GAB3: variants seen among roughly 807,000 people sequenced by gnomAD.
GAB3 encodes the protein GRB2 associated binding protein 3, also known as GRB2-associated-binding protein 3.
GAB3 carries 12 observed loss-of-function variants against 40.4 expected under a neutral mutation model. That is an observed-to-expected ratio of 0.30 (90% CI 0.19 to 0.48). The LOEUF (loss-of-function observed/expected upper bound fraction) is 0.48, where lower values mean the gene tolerates loss of function less well. Ranked by LOEUF, GAB3 falls within the 20% of genes least tolerant of loss-of-function variation. The pLI is 0.99. For synonymous variants in GAB3, 154 were observed against 176.7 expected (o/e 0.87, Z 1.02); for missense variants, 381 against 461.9 (o/e 0.82, Z 1.61).
chrX:154,722,013 A>C (rs782086189), intron 1 of GAB3, among the ~76,000 whole-genome samples: 2 of 112,213 alleles, frequency 1.8e-5, no homozygotes, highest in Non-Finnish European at 3.8e-5. Context: ...AATGGCCAAG[A>C]TATGGAAACA....
intron 8 of GAB3, among the ~76,000 whole-genome samples, chrX:154,682,193 T>C (rs782598048): frequency 2.7e-5 from 3 of 112,495 alleles, no homozygotes; most frequent in African/African-American, 9.7e-5. Context: ...GTATATTGAT[T>C]TTATATCCAT....
chrX:154,708,067 C>T (rs782062745), intron 4 of GAB3, among the ~76,000 whole-genome samples: 1 of 111,450 alleles, frequency 9.0e-6, no homozygotes, highest in Admixed American at 9.5e-5. Flanking sequence ...AGAAATACAC[C>T]CACATGTACA....
Position 154,728,840 on chromosome X carries a change from G to A in GAB3, c.73-12511C>T, listed in dbSNP as rs781824872. ...AATACGTACTCAATGTGTTGTTGTG[G>A]ACAGCATGACTGACTAAAGTATGGC... On this transcript the variant is annotated intron_variant, in intron 1 of 9. Coordinates refer to ENST00000424127, the MANE Select transcript of GAB3 (RefSeq NM_001081573.3). Among the ~76,000 whole-genome samples, 8 of 112,396 alleles carry A rather than the reference G, an allele frequency of 7.1e-5. No homozygotes were observed. The South Asian group carries it at 2.6e-3, about 36-fold the overall frequency.
intron 9 of GAB3, 150 bp from the exon 10 acceptor site, chrX:154,678,444 G>T (rs1277990760): frequency 1.6e-5 from 7 of 424,477 alleles, no homozygotes; most frequent in Non-Finnish European, 2.8e-5. Flanking sequence ...GTGTGTGCAC[G>T]CACGTGCTTC....
intron 4 of GAB3, among the ~76,000 whole-genome samples, chrX:154,709,402 A>C (rs1036853670): frequency 5.7e-5 from 6 of 106,179 alleles, no homozygotes; most frequent in South Asian, 4.3e-4. Flanking sequence ...CTCACTGCAA[A>C]CTCTGCCTCC....
intron 1 of GAB3, among the ~76,000 whole-genome samples, chrX:154,719,082 T>C (rs782153915): frequency 9.0e-6 from 1 of 111,569 alleles, no homozygotes; most frequent in Non-Finnish European, 1.9e-5. Flanking sequence ...AGAATTATGA[T>C]ATGGGTAGAT....
intron 1 of GAB3, among the ~76,000 whole-genome samples, chrX:154,749,362 A>G (rs1414894777): frequency 8.9e-6 from 1 of 112,989 alleles, no homozygotes; most frequent in Non-Finnish European, 1.9e-5. Context: ...CTGAAATTGT[A>G]TAGTGAACCT....
chrX:154,717,918 C>CTA (rs1421741532), intron 1 of GAB3, among the ~76,000 whole-genome samples: 2 of 111,701 alleles, frequency 1.8e-5, no homozygotes, highest in African/African-American at 6.5e-5. Context: ...CGGTAGGGAA[C>CTA]TATGGCATTA....
At chrX:154,708,656 C>A (rs184833322) in intron 4 of GAB3, among the ~76,000 whole-genome samples, 1 of 111,868 alleles carries the variant, frequency 8.9e-6, no homozygotes, top group African/African-American at 3.3e-5. Flanking sequence ...CAGAACCACA[C>A]AAGGTATCGG....
In GAB3 at chrX:154,724,217, C is replaced by T. The variant is rs1037967200; in HGVS notation, c.73-7888G>A. On this transcript the variant is annotated intron_variant, in intron 1 of 9. Transcript: ENST00000424127. ...CAAAAATTAGCCAGGTGTGATGGCACGCACCTGTAATCCCAACTACTCAGG... is the reference window on the plus strand; with the variant it reads ...CAAAAATTAGCCAGGTGTGATGGCATGCACCTGTAATCCCAACTACTCAGG... Among the ~76,000 whole-genome samples the T allele has an allele frequency of 4.6e-5, 5 of 109,763 alleles. No homozygotes were observed. In the South Asian group the frequency reaches 1.2e-3, roughly 26 times the overall value.
intron 8 of GAB3, among the ~76,000 whole-genome samples, chrX:154,694,391 G>GT (rs781950607): frequency 0.017 from 1,668 of 99,997 alleles, 12 homozygotes; most frequent in Middle Eastern, 0.03. Context: ...ATCTTTCTCT[G>GT]TTTTTTTTTT....
intron 2 of GAB3, among the ~76,000 whole-genome samples, chrX:154,713,872 T>C (rs1030597797): frequency 6.9e-5 from 7 of 101,839 alleles, no homozygotes; most frequent in African/African-American, 2.5e-4. Context: ...TAGGTATATG[T>C]CTATATAGAA....
chrX:154,723,025 T>C (rs2071159233), intron 1 of GAB3, among the ~76,000 whole-genome samples: 2 of 111,016 alleles, frequency 1.8e-5, no homozygotes, highest in Admixed American at 1.9e-4. Flanking sequence ...ATTACAGGCA[T>C]GCACCACCAT....
In GAB3 at chrX:154,676,943, G is replaced by A. The variant is rs782397138; in HGVS notation, c.*1235C>T. 1.8e-4 allele frequency: 20 copies of A among 111,668 alleles called. No individual in the cohort carries two copies. The highest frequency in any genetic ancestry group is 6.2e-4 in the African/African-American group (19 of 30,762). 9.2% of individuals were successfully genotyped at this position (111,668 alleles called of 1,213,427 possible). A position where few individuals can be genotyped will look rare whatever the true frequency, so the allele number is the denominator to read the frequency against. On this transcript the variant is annotated 3_prime_UTR_variant, in exon 10 of 10. Transcript: ENST00000424127. ...CCTGTAAAGGAAGGGGTGACATGAC[G>A]CCTTCATTATAAAGTGGGAGTGTTT...
At chrX:154,689,151 C>A (rs1462466275) in intron 8 of GAB3, among the ~76,000 whole-genome samples, 3 of 111,674 alleles carry the variant, frequency 2.7e-5, no homozygotes, top group Non-Finnish European at 5.7e-5. Context: ...ATAAACAGAA[C>A]CAAAGACAAA....
chrX:154,741,915 C>T (rs1324903802), intron 1 of GAB3, among the ~76,000 whole-genome samples: 2 of 110,665 alleles, frequency 1.8e-5, no homozygotes, highest in African/African-American at 6.6e-5. Context: ...GAAACTGCCC[C>T]CATAATCTGA....
chrX:154,715,403 TGC>T (rs2148459975), intron 2 of GAB3, among the ~76,000 whole-genome samples: 1 of 99,300 alleles, frequency 1.0e-5, no homozygotes, highest in African/African-American at 4.6e-5. Context: ...TGTGTGTGTG[TGC>T]GTGTGTGCGT....
chrX:154,741,453 G>A (rs923042394), intron 1 of GAB3, among the ~76,000 whole-genome samples: 6 of 110,434 alleles, frequency 5.4e-5, no homozygotes, highest in African/African-American at 2.0e-4. Context: ...CGAGGCGGGT[G>A]GATCACGAGG....
chrX:154,748,612 A>C (rs1207598448), intron 1 of GAB3, among the ~76,000 whole-genome samples: 2 of 112,748 alleles, frequency 1.8e-5, no homozygotes, highest in East Asian at 5.5e-4. Context: ...GGTTTACCTA[A>C]AAACTGCCTG....
Sources: allele counts gnomAD v4.1 joint callset (sites outside exome capture counted in the v4.1 genomes callset), GRCh38; gene constraint gnomAD v4.1.1; transcripts MANE v1.5; gene names NCBI Gene and HGNC (gene_info 2026-07-23, HGNC 2026-07-21).